Variants in RBFOX1 observed in about 807,000 individuals in gnomAD.
The protein encoded by RBFOX1 is RNA binding fox-1 homolog 1, also known as RNA binding protein fox-1 homolog 1.
A neutral mutation model predicts 57.7 loss-of-function variants in RBFOX1; 8 were observed. The observed-to-expected ratio is 0.14, with a 90% CI of 0.08 to 0.25. The LOEUF is 0.25. Among genes scored for constraint, RBFOX1 ranks in the 10% least tolerant of loss-of-function variants. The pLI is 1.00. For missense variants in RBFOX1, 611 were observed against 548.5 expected, an observed-to-expected ratio of 1.11 and a Z score of -1.14; for synonymous variants, 326 against 222.4, an observed-to-expected ratio of 1.47 and a Z score of -4.15.
At chr16:6,009,477 A>T (rs1277999764) in intron 4 of RBFOX1, among the ~76,000 whole-genome samples, 2 of 152,104 alleles carry the variant, frequency 1.3e-5, no homozygotes, top group Non-Finnish European at 2.9e-5. Context: ...GGCTCCAGGG[A>T]CTTAGAAATG....
chr16:6,852,170 G>A (rs963355291), intron 3 of RBFOX1, among the ~76,000 whole-genome samples: 3 of 152,054 alleles, frequency 2.0e-5, no homozygotes, highest in East Asian at 1.9e-4. Flanking sequence ...CAGTGTCACT[G>A]GCCTGCAACC....
chr16:7,110,969 C>T (rs1599782831), intron 4 of RBFOX1, among the ~76,000 whole-genome samples: 2 of 152,196 alleles, frequency 1.3e-5, no homozygotes, highest in South Asian at 2.1e-4. Flanking sequence ...GTGTATCGTA[C>T]AGTATTTCTG....
chr16:6,991,349 T>C lies in RBFOX1; in HGVS notation c.-15-60708T>C, dbSNP rs576873757. Among the ~76,000 whole-genome samples the C allele has an allele frequency of 4.3e-4, 65 of 152,146 alleles. 2 individuals carry two copies. The South Asian group carries it at 0.013, about 30-fold the overall frequency. On this transcript the variant is annotated intron_variant, in intron 3 of 15. Coordinates refer to ENST00000550418, the MANE Select transcript of RBFOX1 (RefSeq NM_018723.4). Reference sequence around the variant, plus strand: ...ATTTCTCCATTTCAGCTAATACATCTGTATGTACAGGCCCTGGACAGGATG... The same window carrying C: ...ATTTCTCCATTTCAGCTAATACATCCGTATGTACAGGCCCTGGACAGGATG...
At chr16:7,680,762 C>G (rs1399298363) in intron 14 of RBFOX1, among the ~76,000 whole-genome samples, 1 of 152,104 alleles carries the variant, frequency 6.6e-6, no homozygotes, top group African/African-American at 2.4e-5. Context: ...TTAGAAATTG[C>G]TACTTTTGTG....
chr16:5,292,401 A>G (rs1048216492), intron 1 of RBFOX1, among the ~76,000 whole-genome samples: 9 of 152,002 alleles, frequency 5.9e-5, no homozygotes, highest in African/African-American at 2.2e-4. Flanking sequence ...TTCATTGCTG[A>G]TTTTTTTCAG....
At chr16:6,026,897 T>G (rs1940476835) in intron 1 of RBFOX1, among the ~76,000 whole-genome samples, 1 of 152,218 alleles carries the variant, frequency 6.6e-6, no homozygotes, top group South Asian at 2.1e-4. Context: ...GGAGCTGCTC[T>G]GATAGCCACT....
At chr16:5,723,817 C>T (rs1055716968) in intron 3 of RBFOX1, among the ~76,000 whole-genome samples, 4 of 152,204 alleles carry the variant, frequency 2.6e-5, no homozygotes, top group African/African-American at 4.8e-5. Flanking sequence ...ATGGACTGCC[C>T]TAGTCAGAAA....
At chr16:7,226,904 T>C (rs1243495191) in intron 4 of RBFOX1, among the ~76,000 whole-genome samples, 1 of 152,192 alleles carries the variant, frequency 6.6e-6, no homozygotes, top group East Asian at 1.9e-4. Context: ...AGTGGGGGTA[T>C]TTTCATCTGT....
At chr16:7,195,296 A>G (rs780708449) in intron 4 of RBFOX1, among the ~76,000 whole-genome samples, 13 of 152,138 alleles carry the variant, frequency 8.5e-5, no homozygotes, top group Non-Finnish European at 1.5e-4. Context: ...CAGGCTTGCA[A>G]AATAAGGCTT....
At chr16:6,630,813 GT>G (rs1158829845) in intron 2 of RBFOX1, among the ~76,000 whole-genome samples, 1 of 152,140 alleles carries the variant, frequency 6.6e-6, no homozygotes, top group Non-Finnish European at 1.5e-5. Context: ...CGTTACAGGA[GT>G]TAAGAAAGAA....
intron 4 of RBFOX1, among the ~76,000 whole-genome samples, chr16:7,202,640 C>T (rs1474426428): frequency 4.6e-5 from 7 of 152,138 alleles, no homozygotes. Flanking sequence ...CACCTGAGCT[C>T]GACCTCCTGT....
intron 2 of RBFOX1, among the ~76,000 whole-genome samples, chr16:5,520,075 G>A (rs2043951576): frequency 6.6e-6 from 1 of 152,342 alleles, no homozygotes; most frequent in Middle Eastern, 3.4e-3. Context: ...GGTACAGGAT[G>A]TGATGGAATC....
chr16:5,668,164 C>G (rs1197398596), intron 3 of RBFOX1, among the ~76,000 whole-genome samples: 2 of 152,128 alleles, frequency 1.3e-5, no homozygotes, highest in Admixed American at 6.5e-5. Flanking sequence ...GCCCATAGTC[C>G]TAGCTACTCA....
chr16:6,984,870 A>G (rs1599163114), intron 3 of RBFOX1, among the ~76,000 whole-genome samples: 1 of 151,976 alleles, frequency 6.6e-6, no homozygotes, highest in African/African-American at 2.4e-5. Flanking sequence ...TGAACTCCTG[A>G]CCTCAGCTGA....
intron 4 of RBFOX1, among the ~76,000 whole-genome samples, chr16:7,218,511 AG>A (rs780283038): frequency 1.3e-5 from 2 of 152,126 alleles, no homozygotes; most frequent in Non-Finnish European, 2.9e-5. Context: ...AACAGTAACT[AG>A]GTGTCACTCT....
At chr16:7,474,071 G>C (rs992538014) in intron 4 of RBFOX1, among the ~76,000 whole-genome samples, 1 of 152,066 alleles carries the variant, frequency 6.6e-6, no homozygotes, top group Non-Finnish European at 1.5e-5. Flanking sequence ...GGCGGATCAC[G>C]AGGTCAGGAG....
chr16:6,560,339 G>C (rs1458713815), intron 2 of RBFOX1, among the ~76,000 whole-genome samples: 1 of 23,850 alleles, frequency 4.2e-5, no homozygotes, highest in Non-Finnish European at 1.7e-4. Context: ...GGGCAGGAGA[G>C]TGGGGGTGGA....
At chr16:6,926,835 A>C (rs1597425604) in intron 3 of RBFOX1, among the ~76,000 whole-genome samples, 1 of 152,214 alleles carries the variant, frequency 6.6e-6, no homozygotes, top group East Asian at 1.9e-4. Flanking sequence ...GCAGATACAA[A>C]ATACATAAAC....
chr16:7,010,863 C>T (rs140652942), intron 3 of RBFOX1, among the ~76,000 whole-genome samples: 1 of 152,300 alleles, frequency 6.6e-6, no homozygotes, highest in African/African-American at 2.4e-5. Context: ...AGGCATGAGC[C>T]ACTGCTCCCG....
Sources: allele counts gnomAD v4.1 joint callset (sites outside exome capture counted in the v4.1 genomes callset), GRCh38; gene constraint gnomAD v4.1.1; transcripts MANE v1.5; gene names NCBI Gene and HGNC (gene_info 2026-07-23, HGNC 2026-07-21).